SMYD3: variants seen among roughly 807,000 people sequenced by gnomAD.
The protein encoded by SMYD3 is histone-lysine N-methyltransferase SMYD3.
SMYD3 carries 36 observed loss-of-function variants against 57.7 expected under a neutral mutation model. That is an observed-to-expected ratio of 0.62 (90% CI 0.48 to 0.82). SMYD3 has a LOEUF of 0.82. Among genes scored for constraint, SMYD3 ranks in the 40% least tolerant of loss-of-function variants. The pLI is 0.00. For synonymous variants in SMYD3, 211 were observed against 195.0 expected (o/e 1.08, Z -0.68); for missense variants, 515 against 538.8 (o/e 0.96, Z 0.44).
At chr1:246,020,378 A>T (rs2059450982) in intron 5 of SMYD3, among the ~76,000 whole-genome samples, 1 of 152,212 alleles carries the variant, frequency 6.6e-6, no homozygotes, top group African/African-American at 2.4e-5. Context: ...GAGCTATGGG[A>T]AATTACATAA....
At chr1:246,378,467 G>A (rs1417355363) in intron 1 of SMYD3, among the ~76,000 whole-genome samples, 1 of 151,178 alleles carries the variant, frequency 6.6e-6, no homozygotes, top group Admixed American at 6.6e-5. Flanking sequence ...AGAGAGACTG[G>A]CCTAGTCTCC....
chr1:246,192,289 C>CT (rs1384439402), intron 5 of SMYD3, among the ~76,000 whole-genome samples: 3 of 151,998 alleles, frequency 2.0e-5, no homozygotes, highest in Non-Finnish European at 2.9e-5. Flanking sequence ...TACTTATTTA[C>CT]TTTTTTAATT....
intron 5 of SMYD3, among the ~76,000 whole-genome samples, chr1:246,276,539 C>T (rs933509690): frequency 6.7e-6 from 1 of 150,162 alleles, no homozygotes; most frequent in Non-Finnish European, 1.5e-5. Flanking sequence ...CGTATTAACA[C>T]TGGCAAGTTA....
At chr1:246,003,513 C>CT (rs1308578323) in intron 5 of SMYD3, among the ~76,000 whole-genome samples, 1 of 152,226 alleles carries the variant, frequency 6.6e-6, no homozygotes, top group Non-Finnish European at 1.5e-5. Flanking sequence ...TGTAGAGTAA[C>CT]TTTACAATCC....
intron 1 of SMYD3, among the ~76,000 whole-genome samples, chr1:246,439,272 G>A (rs912250172): frequency 2.0e-5 from 3 of 152,008 alleles, no homozygotes; most frequent in Non-Finnish European, 4.4e-5. Flanking sequence ...CAAATATTTT[G>A]AATCCAAGCC....
chr1:246,327,406 A>G, intron 4 of SMYD3, 69 bp from the exon 5 acceptor site: 2 of 1,371,432 alleles, frequency 1.5e-6, no homozygotes. Flanking sequence ...TCAAGTGTTC[A>G]ATGCTGGCTG....
At chr1:245,788,529 C>T (rs75944863) in intron 10 of SMYD3, among the ~76,000 whole-genome samples, 1,961 of 152,260 alleles carry the variant, frequency 0.013, 40 homozygotes, top group African/African-American at 0.037. Flanking sequence ...CAGAAGGAAG[C>T]AGAGATCACC....
intron 1 of SMYD3, among the ~76,000 whole-genome samples, chr1:246,479,816 G>A (rs557240143): frequency 6.6e-6 from 1 of 152,208 alleles, no homozygotes; most frequent in African/African-American, 2.4e-5. Context: ...CCCAGAGCAG[G>A]GATTTTTGTC....
chr1:246,220,463 C>T (rs1283910947), intron 5 of SMYD3, among the ~76,000 whole-genome samples: 1 of 152,134 alleles, frequency 6.6e-6, no homozygotes, highest in African/African-American at 2.4e-5. Flanking sequence ...CAAACCACAG[C>T]TGTGGATCCA....
At chr1:246,035,663 A>G (rs558428923) in intron 5 of SMYD3, 1 of 152,200 alleles carries the variant, frequency 6.6e-6, no homozygotes, top group East Asian at 1.9e-4. Context: ...TATATTCCCA[A>G]TCTCCTTTCT....
intron 2 of SMYD3, among the ~76,000 whole-genome samples, chr1:246,350,165 C>G (rs2065800476): frequency 2.0e-5 from 3 of 152,180 alleles, no homozygotes; most frequent in African/African-American, 4.8e-5. Context: ...ACAGGAAACC[C>G]TTCTGTATCC....
intron 1 of SMYD3, among the ~76,000 whole-genome samples, chr1:246,382,973 C>T (rs973623440): frequency 2.0e-5 from 3 of 152,144 alleles, no homozygotes; most frequent in Admixed American, 6.5e-5. Flanking sequence ...ACAGACTCAC[C>T]CAGTGGACCT....
At chr1:246,167,371 T>A (rs1367234054) in intron 5 of SMYD3, among the ~76,000 whole-genome samples, 1 of 152,204 alleles carries the variant, frequency 6.6e-6, no homozygotes, top group Non-Finnish European at 1.5e-5. Flanking sequence ...ACACTGTACA[T>A]TCCTATCAGC....
intron 5 of SMYD3, among the ~76,000 whole-genome samples, chr1:246,031,705 C>A (rs2059679263): frequency 1.3e-5 from 2 of 148,526 alleles, no homozygotes; most frequent in African/African-American, 5.0e-5. Flanking sequence ...CCACTGCACT[C>A]CAGCCTGGGC....
At chr1:245,960,755 C>CAAATAA (rs1558536430) in intron 5 of SMYD3, among the ~76,000 whole-genome samples, 34 of 129,032 alleles carry the variant, frequency 2.6e-4, no homozygotes, top group African/African-American at 1.0e-3. Flanking sequence ...AAATAAATGG[C>CAAATAA]ATAAATTAGC....
At chr1:246,086,173 C>A (rs2993470) in intron 5 of SMYD3, among the ~76,000 whole-genome samples, 16 of 151,688 alleles carry the variant, frequency 1.1e-4, no homozygotes, top group Non-Finnish European at 1.6e-4. Context: ...ATATGGACAC[C>A]CCACCACAGC....
chr1:246,264,108 C>T lies in SMYD3; in HGVS notation c.531+63093G>A, dbSNP rs1030048678. 8.6e-5 allele frequency among the ~76,000 whole-genome samples: 13 copies of T among 152,006 alleles called. No individual in the cohort carries two copies. In the East Asian group the frequency reaches 2.1e-3, roughly 25 times the overall value. ...TATAAATAGAAGGAAACTCAGATTT[C>T]GAATACAGACTTCTGAGGGAAATCA... On this transcript the variant is annotated intron_variant, in intron 5 of 11. Transcript: ENST00000490107.
intron 9 of SMYD3, among the ~76,000 whole-genome samples, chr1:245,860,174 C>T (rs1041337431): frequency 6.6e-6 from 1 of 152,120 alleles, no homozygotes; most frequent in Non-Finnish European, 1.5e-5. Context: ...CCCCACACCC[C>T]TCCCACTCCC....
rs544550973 is a variant in SMYD3 at position 245,942,227 on chromosome 1, G to A, written c.532-12290C>T. Among the ~76,000 whole-genome samples, 3 of 152,244 alleles carry A rather than the reference G, an allele frequency of 2.0e-5. No homozygotes were observed. In the South Asian group the frequency reaches 6.2e-4, roughly 32 times the overall value. On this transcript the variant is annotated intron_variant, in intron 5 of 11. Coordinates refer to ENST00000490107, the MANE Select transcript of SMYD3 (RefSeq NM_001167740.2). ...AGACCCATCAGTGTGCTGTGTTTAA[G>A]ACACCCATCTCACGTGCAAAGACAC...
Sources: gnomAD v4.1 joint callset for allele counts (sites outside exome capture counted in the v4.1 genomes callset) on GRCh38, gnomAD v4.1.1 for gene constraint, MANE v1.5 for transcripts, NCBI Gene and HGNC (gene_info 2026-07-23, HGNC 2026-07-21) for gene names.